The following MGARP variants were observed in gnomAD, a reference collection of about 807,000 sequenced individuals.
The protein encoded by MGARP is mitochondria localized glutamic acid rich protein.
A neutral mutation model predicts 11.0 loss-of-function variants in MGARP; 12 were observed. The observed-to-expected ratio is 1.09, with a 90% CI of 0.70 to 1.77. The LOEUF is 1.77. Among genes scored for constraint, MGARP ranks in the 40% most tolerant of loss-of-function variants. The pLI is 0.00. For synonymous variants in MGARP, 110 were observed against 115.4 expected (o/e 0.95, Z 0.30); for missense variants, 283 against 297.8 (o/e 0.95, Z 0.36).
chr4:139,279,647 C>G (rs1321450959), intron 1 of MGARP, among the ~76,000 whole-genome samples: 1 of 152,218 alleles, frequency 6.6e-6, no homozygotes, highest in Non-Finnish European at 1.5e-5. Context: ...ACCTTCCCAC[C>G]GTTCCTCTGC....
chr4:139,279,512 AG>A (rs1744922717), intron 1 of MGARP, among the ~76,000 whole-genome samples: 1 of 152,086 alleles, frequency 6.6e-6, no homozygotes, highest in South Asian at 2.1e-4. Flanking sequence ...CGCGGGGTTC[AG>A]GCTGCTGAGA....
chr4:139,276,205 C>A (rs939782128), intron 1 of MGARP, among the ~76,000 whole-genome samples: 2 of 152,152 alleles, frequency 1.3e-5, no homozygotes, highest in Admixed American at 6.6e-5. Context: ...TTTCAACTAA[C>A]ACAGCTGAGC....
At chr4:139,268,857 C>T in intron 2 of MGARP, 92 bp from the exon 3 acceptor site, 2 of 889,538 alleles carry the variant, frequency 2.2e-6, no homozygotes, top group Non-Finnish European at 3.5e-6. Context: ...CTGTAATCAC[C>T]ATTAGAAGTT....
At chr4:139,274,154 G>A (rs1744830366) in intron 2 of MGARP, among the ~76,000 whole-genome samples, 1 of 152,152 alleles carries the variant, frequency 6.6e-6, no homozygotes, top group Admixed American at 6.5e-5. Flanking sequence ...AAATGAGTAG[G>A]TGGAGTAGAG....
At chr4:139,269,258 C>T (rs1315590576) in intron 2 of MGARP, among the ~76,000 whole-genome samples, 1 of 152,132 alleles carries the variant, frequency 6.6e-6, no homozygotes, top group Admixed American at 6.5e-5. Context: ...TAGCATTTAT[C>T]CTTGAGAAAT....
chr4:139,270,205 C>T (rs1009036726), intron 2 of MGARP, among the ~76,000 whole-genome samples: 1 of 149,104 alleles, frequency 6.7e-6, no homozygotes, highest in Non-Finnish European at 1.5e-5. Flanking sequence ...GAGGCTGAGG[C>T]AGGAGAATCA....
rs373893435 is a variant in MGARP at position 139,267,075 on chromosome 4, T to C, written c.281-34A>G. 33 of 1,591,112 alleles carry C rather than the reference T, an allele frequency of 2.1e-5. No homozygotes were observed. In the African/African-American group the frequency reaches 3.6e-4, roughly 18 times the overall value. On this transcript the variant is annotated intron_variant, in intron 3 of 3. Coordinates refer to ENST00000398955, the MANE Select transcript of MGARP (RefSeq NM_032623.4). ...ATTAGTCATTAAGCAAGGTATTAATTTAAAGATCGTGGGAAGGCAATGAAA... is the reference window on the plus strand; with the variant it reads ...ATTAGTCATTAAGCAAGGTATTAATCTAAAGATCGTGGGAAGGCAATGAAA...
chr4:139,268,792 A>C (rs369977496), intron 2 of MGARP, 27 bp from the exon 3 acceptor site: 3 of 1,541,722 alleles, frequency 1.9e-6, no homozygotes, highest in African/African-American at 1.4e-5. Flanking sequence ...GCTTAGGTTT[A>C]TTTCTTGAGC....
At chr4:139,270,608 G>GA (rs751695236) in intron 2 of MGARP, among the ~76,000 whole-genome samples, 3,462 of 88,814 alleles carry the variant, frequency 0.039, 117 homozygotes, top group Non-Finnish European at 0.047. Flanking sequence ...GACCGCGTCT[G>GA]AAAAAAAAAA....
intron 2 of MGARP, among the ~76,000 whole-genome samples, chr4:139,274,630 C>T (rs1346173998): frequency 1.3e-5 from 2 of 152,094 alleles, no homozygotes; most frequent in Non-Finnish European, 2.9e-5. Flanking sequence ...ATTACAGGCA[C>T]ACACCACCAT....
At position 139,266,788 on chromosome 4, in the gene MGARP, C is replaced by T. The variant is rs1744704232; in HGVS notation, c.534G>A (p.Glu178=). Residue 178 remains glutamate (E), a synonymous_variant, in exon 4 of 4, where the codon GAG becomes GAA. Transcript: ENST00000398955. ...CTTCATCCAGGGCAGCATTTGTAAC[C>T]TCTGGGGTTGTTTCAGGGTTTACTT... ...TTEVNPETTP[E]VTNAALDEAV... 2 of 1,614,028 alleles carry T rather than the reference C, an allele frequency of 1.2e-6. No individual in the cohort carries two copies. The highest frequency in any genetic ancestry group is 1.3e-5 in the African/African-American group (1 of 74,894).
In MGARP at chr4:139,280,101, T is replaced by C; in HGVS notation, c.58A>G (p.Asn20Asp). 1 of 1,611,958 alleles carries C rather than the reference T, an allele frequency of 6.2e-7. No individual in the cohort carries two copies. ...CCGTCCTTTCCGAGCGGCGCGGGGT[T>C]GGGGGGCGCCCTCAGCGGCAGCGCC... is the stretch of plus-strand genomic sequence containing the variant. ...TLALPLRAPP[N>D]PAPLGKDASL... is the part of the protein sequence containing the mutation. The change falls in exon 1 of 4, where the codon AAC becomes GAC. Residue 20 changes from asparagine (N) to aspartate (D), a missense_variant. Physicochemically the swap from Asn to Asp is conservative, Grantham distance 23 (BLOSUM62 1). Coordinates refer to ENST00000398955, the MANE Select transcript of MGARP (RefSeq NM_032623.4).
chr4:139,279,248 C>G (rs1000582062), intron 1 of MGARP, among the ~76,000 whole-genome samples: 6 of 152,194 alleles, frequency 3.9e-5, no homozygotes, highest in Non-Finnish European at 7.3e-5. Flanking sequence ...TATTAAGCAC[C>G]TACTATGTTC....
intron 2 of MGARP, among the ~76,000 whole-genome samples, chr4:139,271,191 A>G (rs923708404): frequency 5.3e-5 from 8 of 152,228 alleles, no homozygotes; most frequent in Admixed American, 1.3e-4. Context: ...TTTAAAATAT[A>G]CTACAATTTT....
intron 2 of MGARP, among the ~76,000 whole-genome samples, chr4:139,273,039 G>A (rs918924834): frequency 1.6e-4 from 25 of 151,898 alleles, no homozygotes; most frequent in African/African-American, 5.6e-4. Flanking sequence ...TACTCTTAGA[G>A]TTTACAAAGA....
chr4:139,269,193 A>C (rs1251302315), intron 2 of MGARP, among the ~76,000 whole-genome samples: 1 of 152,210 alleles, frequency 6.6e-6, no homozygotes, highest in Non-Finnish European at 1.5e-5. Context: ...CAAGGAAGAA[A>C]AAAATGAATT....
chr4:139,272,359 A>G (rs1744796322), intron 2 of MGARP, among the ~76,000 whole-genome samples: 1 of 151,950 alleles, frequency 6.6e-6, no homozygotes, highest in Non-Finnish European at 1.5e-5. Context: ...GATCAAGACC[A>G]TACTGGCTAA....
In MGARP at chr4:139,266,979, C is replaced by T; in HGVS notation, c.343G>A (p.Val115Met). 1 of 1,614,212 alleles carries T rather than the reference C, an allele frequency of 6.2e-7. No individual in the cohort carries two copies. The highest frequency in any genetic ancestry group is 1.6e-4 in the Middle Eastern group (1 of 6,062). ...ASSEAPEELI[V>M]EAEVVDAEES... is the part of the protein sequence containing the mutation. ...TCAGCATCTACCACCTCAGCTTCCA[C>T]TATAAGTTCTTCTGGGGCTTCTGAA... Residue 115 changes from valine to methionine, a missense_variant, in exon 4 of 4, where the codon GTG becomes ATG. Physicochemically the swap from Val to Met is conservative, Grantham distance 21. Transcript: ENST00000398955.
At chr4:139,275,415 C>T (rs1351091864) in intron 1 of MGARP, 23 bp from the exon 2 acceptor site, 5 of 1,579,084 alleles carry the variant, frequency 3.2e-6, no homozygotes, top group Non-Finnish European at 3.5e-6. Flanking sequence ...TGTTTAAACA[C>T]AGTTAGCTTC....
Sources: gnomAD v4.1 joint callset for allele counts (sites outside exome capture counted in the v4.1 genomes callset) on GRCh38, gnomAD v4.1.1 for gene constraint, MANE v1.5 for transcripts, NCBI Gene and HGNC (gene_info 2026-07-23, HGNC 2026-07-21) for gene names.